Variants in PUDP observed in about 807,000 individuals in gnomAD.
PUDP encodes the protein pseudouridine 5'-phosphatase, also known as pseudouridine-5'-phosphatase.
A neutral mutation model predicts 9.4 loss-of-function variants in PUDP; 8 were observed. The ratio of observed to expected loss-of-function variants is 0.85; its 90% CI spans 0.50 to 1.53. The LOEUF (loss-of-function observed/expected upper bound fraction) is 1.53. PUDP is among the 40% of genes most tolerant of loss of function. PUDP has a pLI of 0.00. For synonymous variants in PUDP, 99 were observed against 80.7 expected (o/e 1.23, Z -1.22); for missense variants, 188 against 189.7 (o/e 0.99, Z 0.05).
chrX:6,934,282 T>G (rs1431887065), intron 3 of PUDP, among the ~76,000 whole-genome samples: 3 of 102,799 alleles, frequency 2.9e-5, no homozygotes, highest in South Asian at 9.0e-4. Flanking sequence ...ACAGCGGATC[T>G]CTCAGCAGAA....
chrX:6,971,402 C>A (rs1195366715), intron 3 of PUDP, among the ~76,000 whole-genome samples: 2 of 108,020 alleles, frequency 1.9e-5, no homozygotes, highest in Non-Finnish European at 3.8e-5. Context: ...GTAGTTTTTT[C>A]TTTTCTCTTT....
At chrX:6,718,117 T>G (rs1010398511) in intron 1 of PUDP, among the ~76,000 whole-genome samples, 1 of 111,763 alleles carries the variant, frequency 8.9e-6, no homozygotes, top group African/African-American at 3.3e-5. Flanking sequence ...ATATATAGTT[T>G]TGCAAATATT....
intron 1 of PUDP, among the ~76,000 whole-genome samples, chrX:7,114,056 C>G (rs1932126761): frequency 1.1e-5 from 1 of 90,038 alleles, no homozygotes; most frequent in Admixed American, 1.1e-4. Flanking sequence ...GTCTCTCTCT[C>G]TCTCTCTCTT....
intron 2 of PUDP, among the ~76,000 whole-genome samples, chrX:7,086,487 C>G (rs188802967): frequency 2.7e-5 from 3 of 112,053 alleles, no homozygotes; most frequent in Non-Finnish European, 3.8e-5. Flanking sequence ...CTTTTTAGTT[C>G]CCTCACAGGA....
At chrX:7,138,311 G>A (rs900695620) in intron 1 of PUDP, among the ~76,000 whole-genome samples, 7 of 110,775 alleles carry the variant, frequency 6.3e-5, no homozygotes, top group Non-Finnish European at 1.3e-4. Flanking sequence ...AGGCTAAAGG[G>A]ATATTACCAA....
intron 3 of PUDP, among the ~76,000 whole-genome samples, chrX:6,961,316 G>A (rs1467014176): frequency 9.0e-6 from 1 of 110,548 alleles, no homozygotes; most frequent in Non-Finnish European, 1.9e-5. Context: ...AGCCTGGGAT[G>A]TGAAGACTGC....
rs376824199 is a variant in PUDP at position 7,105,572 on chromosome X, T to C, written c.280+48A>G. On this transcript the variant is annotated intron_variant, in intron 2 of 3. Coordinates refer to ENST00000381077, the MANE Select transcript of PUDP (RefSeq NM_012080.5). ...ACTTTAAAGGTGATTTACAAAACCATTGCTAATAGTCACAAACATAACCCT... is the reference window on the plus strand; with the variant it reads ...ACTTTAAAGGTGATTTACAAAACCACTGCTAATAGTCACAAACATAACCCT... The C allele has an allele frequency of 3.4e-5, 32 of 953,730 alleles. No individual in the cohort carries two copies. In the African/African-American group the frequency reaches 5.2e-4, roughly 16 times the overall value. 78.6% of individuals were successfully genotyped at this position (953,730 alleles called of 1,213,427 possible). A position where few individuals can be genotyped will look rare whatever the true frequency, so the allele number is the denominator to read the frequency against.
At chrX:6,948,364 C>T (rs772697552) in intron 3 of PUDP, among the ~76,000 whole-genome samples, 25 of 111,783 alleles carry the variant, frequency 2.2e-4, no homozygotes, top group Non-Finnish European at 4.1e-4. Flanking sequence ...GAGACACTGC[C>T]CTTCCAGCCC....
At chrX:6,976,527 G>GTCTAAC (rs1410883636) in intron 3 of PUDP, among the ~76,000 whole-genome samples, 1 of 111,918 alleles carries the variant, frequency 8.9e-6, no homozygotes, top group Non-Finnish European at 1.9e-5. Flanking sequence ...TCCATGGGCT[G>GTCTAAC]CACCCACTGT....
chrX:7,079,685 A>T (rs1032637937), intron 2 of PUDP, among the ~76,000 whole-genome samples: 1 of 112,952 alleles, frequency 8.9e-6, no homozygotes, highest in Admixed American at 9.4e-5. Flanking sequence ...AAATATTTGG[A>T]TGTTACACTT....
At chrX:6,970,307 A>C (rs1179819257) in intron 3 of PUDP, among the ~76,000 whole-genome samples, 1 of 112,653 alleles carries the variant, frequency 8.9e-6, no homozygotes, top group Non-Finnish European at 1.9e-5. Flanking sequence ...TTATACAATA[A>C]TTATTTTGTG....
At chrX:7,007,509 A>G (rs1490655009) in intron 1 of PUDP, among the ~76,000 whole-genome samples, 1 of 112,695 alleles carries the variant, frequency 8.9e-6, no homozygotes, top group African/African-American at 3.2e-5. Context: ...CACAGAGTGC[A>G]TGACACAAGT....
chrX:6,723,601 C>G (rs751655824), upstream of PUDP, among the ~76,000 whole-genome samples: 1 of 108,407 alleles, frequency 9.2e-6, no homozygotes, highest in Non-Finnish European at 1.9e-5. Context: ...GAGACTAAGG[C>G]AAGAGGAGAG....
At chrX:6,999,186 T>C (rs745488457) in intron 1 of PUDP, among the ~76,000 whole-genome samples, 1 of 111,219 alleles carries the variant, frequency 9.0e-6, no homozygotes, top group Non-Finnish European at 1.9e-5. Context: ...TAGACCACCA[T>C]GTGAGTACTT....
intron 3 of PUDP, among the ~76,000 whole-genome samples, chrX:6,758,692 C>T (rs1269005948): frequency 2.7e-5 from 3 of 111,129 alleles, no homozygotes; most frequent in Non-Finnish European, 5.7e-5. Context: ...TAGTGTCCAT[C>T]CACCTGTATT....
intron 3 of PUDP, among the ~76,000 whole-genome samples, chrX:7,075,481 G>T (rs1212791200): frequency 9.2e-6 from 1 of 108,759 alleles, no homozygotes; most frequent in Non-Finnish European, 1.9e-5. Flanking sequence ...CTCCAACCTG[G>T]GCAACAGAAC....
At chrX:6,794,684 C>T (rs1925810091) in intron 3 of PUDP, among the ~76,000 whole-genome samples, 1 of 108,474 alleles carries the variant, frequency 9.2e-6, no homozygotes, top group African/African-American at 3.4e-5. Context: ...CTCAGCCTCC[C>T]GAGTAGCTGG....
chrX:6,759,669 T>C (rs1464077928), intron 3 of PUDP, among the ~76,000 whole-genome samples: 1 of 111,771 alleles, frequency 8.9e-6, no homozygotes, highest in Non-Finnish European at 1.9e-5. Flanking sequence ...GTTGGCACTT[T>C]AGTGTGTAGG....
chrX:6,977,410 T>G (rs1928972105), intron 2 of PUDP, among the ~76,000 whole-genome samples: 1 of 112,166 alleles, frequency 8.9e-6, no homozygotes, highest in Non-Finnish European at 1.9e-5. Flanking sequence ...TTCAAGGAAT[T>G]TGTTCTCCAT....
Sources: gnomAD v4.1 joint callset for allele counts (sites outside exome capture counted in the v4.1 genomes callset) on GRCh38, gnomAD v4.1.1 for gene constraint, MANE v1.5 for transcripts, NCBI Gene and HGNC (gene_info 2026-07-23, HGNC 2026-07-21) for gene names.